PTPRD: variants seen among roughly 807,000 people sequenced by gnomAD.
PTPRD encodes the protein receptor-type tyrosine-protein phosphatase delta.
Under a neutral mutation model 214.5 loss-of-function variants are expected in PTPRD, and 34 were observed. The ratio of observed to expected loss-of-function variants is 0.16; its 90% CI spans 0.12 to 0.21. PTPRD has a LOEUF of 0.21. Ranked by LOEUF, PTPRD falls within the 10% of genes least tolerant of loss-of-function variation. The pLI is 1.00. For synonymous variants in PTPRD, 1,128 were observed against 845.7 expected (o/e 1.33, Z -5.79); for missense variants, 2,545 against 2,398.7 (o/e 1.06, Z -1.27).
intron 8 of PTPRD, among the ~76,000 whole-genome samples, chr9:9,445,390 T>G (rs2090033503): frequency 6.6e-6 from 1 of 152,178 alleles, no homozygotes; most frequent in African/African-American, 2.4e-5. Context: ...TTTCTCATGG[T>G]TGGTTAATCC....
intron 12 of PTPRD, among the ~76,000 whole-genome samples, chr9:8,678,701 G>C (rs1470982603): frequency 1.3e-5 from 2 of 152,134 alleles, no homozygotes; most frequent in Non-Finnish European, 2.9e-5. Flanking sequence ...GTTTCTGAAA[G>C]GCACTGTGTT....
chr9:9,587,370 T>C (rs934072716), intron 7 of PTPRD, among the ~76,000 whole-genome samples: 5 of 152,056 alleles, frequency 3.3e-5, no homozygotes, highest in Non-Finnish European at 7.4e-5. Context: ...TTATATTTAT[T>C]TTATAGACAA....
intron 3 of PTPRD, among the ~76,000 whole-genome samples, chr9:10,245,663 G>A (rs1225553672): frequency 1.3e-5 from 2 of 152,146 alleles, no homozygotes; most frequent in Non-Finnish European, 2.9e-5. Context: ...AGTGAATAAT[G>A]AAATGAATAA....
intron 5 of PTPRD, among the ~76,000 whole-genome samples, chr9:9,882,046 T>C (rs148141725): frequency 9.2e-5 from 14 of 152,190 alleles, no homozygotes; most frequent in Non-Finnish European, 1.3e-4. Context: ...AATATCTATA[T>C]AGTTGAAAAA....
intron 9 of PTPRD, among the ~76,000 whole-genome samples, chr9:9,268,085 T>G (rs1020310064): frequency 1.9e-4 from 28 of 151,212 alleles, no homozygotes; most frequent in African/African-American, 6.5e-4. Flanking sequence ...AAATTGTCTC[T>G]GTTTTTGATG....
chr9:8,557,345 T>C (rs749241087), intron 14 of PTPRD, among the ~76,000 whole-genome samples: 10 of 151,716 alleles, frequency 6.6e-5, no homozygotes, highest in South Asian at 2.1e-4. Context: ...TCATGCTCTG[T>C]TATTGGAAGC....
At chr9:9,232,763 T>C (rs982558196) in intron 9 of PTPRD, among the ~76,000 whole-genome samples, 2 of 152,110 alleles carry the variant, frequency 1.3e-5, no homozygotes, top group Non-Finnish European at 2.9e-5. Flanking sequence ...TTTAGTACTT[T>C]GAACTAAAGG....
chr9:10,291,914 A>T (rs2095538585), intron 3 of PTPRD, among the ~76,000 whole-genome samples: 1 of 152,088 alleles, frequency 6.6e-6, no homozygotes, highest in Non-Finnish European at 1.5e-5. Context: ...CCGGGGAATT[A>T]TCTGAGTGGC....
intron 33 of PTPRD, among the ~76,000 whole-genome samples, chr9:8,451,033 C>G (rs2095921721): frequency 6.6e-6 from 1 of 152,036 alleles, no homozygotes; most frequent in Non-Finnish European, 1.5e-5. Flanking sequence ...GCAATGGGGT[C>G]TCATTCAATG....
chr9:10,434,270 T>C (rs2098702659), intron 2 of PTPRD, among the ~76,000 whole-genome samples: 1 of 151,850 alleles, frequency 6.6e-6, no homozygotes, highest in Non-Finnish European at 1.5e-5. Context: ...TATGCCTTAT[T>C]TCATAATGAA....
chr9:8,864,153 C>G (rs1302621265), intron 11 of PTPRD, among the ~76,000 whole-genome samples: 2 of 152,166 alleles, frequency 1.3e-5, no homozygotes, highest in African/African-American at 2.4e-5. Context: ...CTCTGTTTCT[C>G]TATCTGTAGG....
intron 10 of PTPRD, among the ~76,000 whole-genome samples, chr9:9,041,623 C>G (rs561374887): frequency 6.6e-6 from 1 of 152,146 alleles, no homozygotes; most frequent in East Asian, 1.9e-4. Flanking sequence ...GGAAACAGAA[C>G]TATACCCTGA....
intron 5 of PTPRD, among the ~76,000 whole-genome samples, chr9:9,801,400 A>T (rs7036588): frequency 1.3e-5 from 2 of 152,124 alleles, no homozygotes; most frequent in Non-Finnish European, 2.9e-5. Flanking sequence ...CTAAACTCCA[A>T]TGGGATTTTC....
chr9:9,859,228 C>T (rs1443577605), intron 5 of PTPRD, among the ~76,000 whole-genome samples: 1 of 152,134 alleles, frequency 6.6e-6, no homozygotes, highest in African/African-American at 2.4e-5. Flanking sequence ...CCATGTAGAA[C>T]TAGAAGTTAA....
intron 14 of PTPRD, among the ~76,000 whole-genome samples, chr9:8,565,765 A>G (rs1244460887): frequency 1.3e-5 from 2 of 152,224 alleles, no homozygotes; most frequent in East Asian, 1.9e-4. Context: ...ATTGTTCTGC[A>G]TAGTTTATGA....
At chr9:10,279,524 T>C (rs1458055957) in intron 3 of PTPRD, among the ~76,000 whole-genome samples, 2 of 152,168 alleles carry the variant, frequency 1.3e-5, no homozygotes, top group African/African-American at 4.8e-5. Flanking sequence ...ACTTTTATCA[T>C]TTCACTGATA....
intron 11 of PTPRD, among the ~76,000 whole-genome samples, chr9:8,920,964 C>A (rs1251166546): frequency 1.3e-5 from 2 of 152,156 alleles, no homozygotes; most frequent in Non-Finnish European, 2.9e-5. Context: ...CAGACGCACG[C>A]CCCCACGCCA....
intron 12 of PTPRD, among the ~76,000 whole-genome samples, chr9:8,684,089 G>A (rs529888628): frequency 3.9e-5 from 6 of 152,224 alleles, no homozygotes; most frequent in East Asian, 3.9e-4. Context: ...GTGGAGCAGC[G>A]AAAAGTCATC....
chr9:10,485,582 GGTTAA>G (rs1167171672), intron 2 of PTPRD, among the ~76,000 whole-genome samples: 1 of 151,676 alleles, frequency 6.6e-6, no homozygotes, highest in East Asian at 1.9e-4. Context: ...TCACTTCTTT[GGTTAA>G]GTTAATTCCT....
Sources: gnomAD v4.1 joint callset for allele counts (sites outside exome capture counted in the v4.1 genomes callset) on GRCh38, gnomAD v4.1.1 for gene constraint, MANE v1.5 for transcripts, NCBI Gene and HGNC (gene_info 2026-07-23, HGNC 2026-07-21) for gene names.